Variants in NRCAM observed in about 807,000 individuals in gnomAD.
The protein encoded by NRCAM is neuronal cell adhesion molecule.
A neutral mutation model predicts 156.5 loss-of-function variants in NRCAM; 83 were observed. The observed-to-expected ratio is 0.53, with a 90% CI of 0.44 to 0.64. The LOEUF (loss-of-function observed/expected upper bound fraction) is 0.64. Among genes scored for constraint, NRCAM ranks in the 30% least tolerant of loss-of-function variants. The probability of loss-of-function intolerance (pLI) is 0.00; values close to 1 mark genes in which losing one functional copy is unlikely to be tolerated. For synonymous variants in NRCAM, 538 were observed against 563.9 expected, an observed-to-expected ratio of 0.95 and a Z score of 0.65; for missense variants, 1,417 against 1,597.3, an observed-to-expected ratio of 0.89 and a Z score of 1.92.
At chr7:108,236,629 A>T (rs1394413271) in intron 5 of NRCAM, among the ~76,000 whole-genome samples, 6 of 152,224 alleles carry the variant, frequency 3.9e-5, no homozygotes, top group African/African-American at 1.4e-4. Flanking sequence ...GGATTAAGAA[A>T]ATAATTACTA....
chr7:108,298,342 C>A (rs1592218162), intron 3 of NRCAM, among the ~76,000 whole-genome samples: 2 of 151,902 alleles, frequency 1.3e-5, no homozygotes, highest in South Asian at 2.1e-4. Context: ...TCCAAAACAA[C>A]CCCCTCCCCG....
intron 2 of NRCAM, among the ~76,000 whole-genome samples, chr7:108,350,122 T>C (rs2099401026): frequency 6.6e-6 from 1 of 152,226 alleles, no homozygotes; most frequent in Admixed American, 6.5e-5. Flanking sequence ...GCTTCAATCC[T>C]CAACATTCAG....
intron 2 of NRCAM, among the ~76,000 whole-genome samples, chr7:108,361,420 G>A (rs1031028292): frequency 1.1e-4 from 17 of 152,180 alleles, no homozygotes; most frequent in Non-Finnish European, 1.6e-4. Context: ...GAGTAAAGCC[G>A]ATCGCCCTCC....
At chr7:108,370,603 C>A (rs956778096) in intron 2 of NRCAM, among the ~76,000 whole-genome samples, 1 of 151,890 alleles carries the variant, frequency 6.6e-6, no homozygotes, top group Admixed American at 6.6e-5. Flanking sequence ...TTTCAGATAG[C>A]CAAATATTTA....
chr7:108,325,516 C>T (rs950925302), intron 2 of NRCAM, among the ~76,000 whole-genome samples: 1 of 151,926 alleles, frequency 6.6e-6, no homozygotes, highest in Non-Finnish European at 1.5e-5. Context: ...TCCCCCTCAT[C>T]TTCAGGGCTT....
chr7:108,337,399 G>T (rs899595838), intron 2 of NRCAM, among the ~76,000 whole-genome samples: 1 of 151,940 alleles, frequency 6.6e-6, no homozygotes, highest in African/African-American at 2.4e-5. Context: ...CTGAGCTTTT[G>T]CTCGCCATCC....
chr7:108,354,123 A>G (rs971400978), intron 2 of NRCAM, among the ~76,000 whole-genome samples: 1 of 152,236 alleles, frequency 6.6e-6, no homozygotes, highest in Admixed American at 6.5e-5. Context: ...ATTCCACTAT[A>G]TATGAATTAT....
intron 2 of NRCAM, among the ~76,000 whole-genome samples, chr7:108,390,784 A>G (rs921063852): frequency 6.6e-6 from 1 of 152,050 alleles, no homozygotes; most frequent in Non-Finnish European, 1.5e-5. Context: ...CTTTGTTCTC[A>G]TTGGTTTCAA....
chr7:108,430,614 A>G (rs1411964595), intron 1 of NRCAM, among the ~76,000 whole-genome samples: 2 of 152,230 alleles, frequency 1.3e-5, no homozygotes, highest in African/African-American at 2.4e-5. Flanking sequence ...TTCTTTTAAT[A>G]TATCTAGTGG....
intron 3 of NRCAM, among the ~76,000 whole-genome samples, chr7:108,247,780 T>C (rs993110436): frequency 5.3e-5 from 8 of 152,204 alleles, no homozygotes; most frequent in African/African-American, 1.9e-4. Flanking sequence ...ACTAGAACTC[T>C]GGCTGAGGTC....
intron 2 of NRCAM, among the ~76,000 whole-genome samples, chr7:108,382,955 C>T (rs961088354): frequency 6.6e-6 from 1 of 152,182 alleles, no homozygotes; most frequent in Non-Finnish European, 1.5e-5. Flanking sequence ...AAATCACTAA[C>T]TTTCCCTAAG....
intron 2 of NRCAM, among the ~76,000 whole-genome samples, chr7:108,342,799 C>G (rs2099306698): frequency 6.6e-6 from 1 of 152,128 alleles, no homozygotes; most frequent in South Asian, 2.1e-4. Context: ...TAAAGTAATA[C>G]AGGAAAGAGA....
chr7:108,165,274 C>T (rs1057299333), intron 30 of NRCAM, among the ~76,000 whole-genome samples: 4 of 152,098 alleles, frequency 2.6e-5, no homozygotes, highest in Admixed American at 6.6e-5. Context: ...GGAGACGGAA[C>T]GACAAGCTTC....
chr7:108,259,905 G>C (rs912496279), intron 3 of NRCAM, among the ~76,000 whole-genome samples: 1 of 152,166 alleles, frequency 6.6e-6, no homozygotes, highest in African/African-American at 2.4e-5. Flanking sequence ...TAATACCAAG[G>C]TGTTGGGTTG....
intron 1 of NRCAM, among the ~76,000 whole-genome samples, chr7:108,445,331 A>G (rs1843028719): frequency 6.6e-6 from 1 of 152,126 alleles, no homozygotes; most frequent in Admixed American, 6.5e-5. Flanking sequence ...TTTTTTGGAG[A>G]GTAAGGTTAT....
chr7:108,246,440 A>G (rs1029278701), intron 3 of NRCAM, among the ~76,000 whole-genome samples: 1 of 152,142 alleles, frequency 6.6e-6, no homozygotes, highest in African/African-American at 2.4e-5. Context: ...AGACAGAGAG[A>G]GAGTGAGTCA....
intron 2 of NRCAM, among the ~76,000 whole-genome samples, chr7:108,381,100 C>T (rs529896576): frequency 6.6e-6 from 1 of 152,094 alleles, no homozygotes; most frequent in Admixed American, 6.6e-5. Context: ...GGCACTAATA[C>T]CCTAAGGACT....
At chr7:108,410,143 C>T (rs960413382) in intron 1 of NRCAM, among the ~76,000 whole-genome samples, 10 of 152,170 alleles carry the variant, frequency 6.6e-5, no homozygotes, top group African/African-American at 2.4e-4. Context: ...ACTGCTGCAA[C>T]TGTGCGGACC....
At chr7:108,209,353 A>G in intron 12 of NRCAM, 68 bp downstream of exon 12, 1 of 1,113,814 alleles carries the variant, frequency 9.0e-7, no homozygotes, top group South Asian at 1.8e-5. Context: ...AATGTAATGA[A>G]AACCACATTT....
Sources: gnomAD v4.1 joint callset for allele counts (sites outside exome capture counted in the v4.1 genomes callset) on GRCh38, gnomAD v4.1.1 for gene constraint, MANE v1.5 for transcripts, NCBI Gene and HGNC (gene_info 2026-07-23, HGNC 2026-07-21) for gene names.